Variants in RBBP8NL observed in about 807,000 individuals in gnomAD.
RBBP8NL encodes RBBP8 N-terminal like, also known as RBBP8 N-terminal-like protein.
RBBP8NL carries 59 observed loss-of-function variants against 62.2 expected under a neutral mutation model. The ratio of observed to expected loss-of-function variants is 0.95; its 90% CI spans 0.77 to 1.18. The LOEUF is 1.18. Among genes scored for constraint, RBBP8NL ranks in the 50% most tolerant of loss-of-function variants. RBBP8NL has a pLI of 0.00. For missense variants in RBBP8NL, 896 were observed against 899.5 expected (o/e 1.00, Z 0.05); for synonymous variants, 412 against 394.1 (o/e 1.05, Z -0.54).
At position 62,410,769 on chromosome 20, in the gene RBBP8NL, C is replaced by T; in HGVS notation, c.*109G>A. Reference sequence around the variant, plus strand: ...AGCTGAGGCTGGCTAGGTCTTCTCCCAGGGTTCTGTGCAGGGCTGCCTGCT... The same window carrying T: ...AGCTGAGGCTGGCTAGGTCTTCTCCTAGGGTTCTGTGCAGGGCTGCCTGCT... On this transcript the variant is annotated 3_prime_UTR_variant, in exon 14 of 14. Coordinates refer to ENST00000252998, the MANE Select transcript of RBBP8NL (RefSeq NM_080833.3). The T allele has an allele frequency of 1.3e-6, 1 of 752,592 alleles. No homozygotes were observed. Among genetic ancestry groups the T allele is most frequent in the Middle Eastern group, 3.9e-4 (1 of 2,568 alleles). The allele number at this position is 752,592 out of a possible 1,614,324, so 46.6% of individuals were successfully genotyped here. A position where few individuals can be genotyped will look rare whatever the true frequency, so the allele number is the denominator to read the frequency against.
At chr20:62,423,267 C>T (rs898054164) in intron 1 of RBBP8NL, among the ~76,000 whole-genome samples, 1 of 152,202 alleles carries the variant, frequency 6.6e-6, no homozygotes, top group Non-Finnish European at 1.5e-5. Flanking sequence ...TCAAGCCTCC[C>T]GTCTCAGTCA....
intron 10 of RBBP8NL, 46 bp from the exon 11 acceptor site, chr20:62,413,591 C>T: frequency 6.7e-7 from 1 of 1,498,170 alleles, no homozygotes; most frequent in East Asian, 2.4e-5. Context: ...GGGAGACTTC[C>T]TTGCCGCCAA....
At chr20:62,416,666 C>A in intron 5 of RBBP8NL, 94 bp downstream of exon 5, 1 of 815,688 alleles carries the variant, frequency 1.2e-6, no homozygotes, top group Non-Finnish European at 2.0e-6. Flanking sequence ...GATCGTCCTG[C>A]CTCCTTTCCC....
In RBBP8NL at chr20:62,410,588, G is replaced by T. The variant is rs935286422; in HGVS notation, c.*290C>A. 2.3e-6 allele frequency: 1 copy of T among 438,818 alleles called. No individual in the cohort carries two copies. 27.2% of individuals were successfully genotyped at this position (438,818 alleles called of 1,614,324 possible). On this transcript the variant is annotated 3_prime_UTR_variant, in exon 14 of 14. Coordinates refer to ENST00000252998, the MANE Select transcript of RBBP8NL (RefSeq NM_080833.3). ...CAGGTGGGTGGAGACGGGGTGAATC[G>T]CCAGCCTGAGACCCCTCTCGGTCCT...
chr20:62,415,376 GC>G (rs1988538970), intron 8 of RBBP8NL, 89 bp from the exon 9 acceptor site: 2 of 1,452,806 alleles, frequency 1.4e-6, no homozygotes, highest in Admixed American at 4.2e-5. Context: ...GCCCTGGGCT[GC>G]TCCCACTCTG....
intron 10 of RBBP8NL, 44 bp downstream of exon 10, chr20:62,413,777 G>T (rs1416517738): frequency 6.5e-7 from 1 of 1,537,562 alleles, no homozygotes; most frequent in South Asian, 1.3e-5. Flanking sequence ...GGTGGGGGAC[G>T]TGGAGGCTGA....
Position 62,417,304 on chromosome 20 carries a change from G to A in RBBP8NL, c.120C>T (p.Ile40=), listed in dbSNP as rs372067825. 23 of 1,599,068 alleles carry A rather than the reference G, an allele frequency of 1.4e-5. No individual in the cohort carries two copies. The highest frequency in any genetic ancestry group is 4.5e-5 in the East Asian group (2 of 44,412). ...GGTGGTTCTTGGAGAAGAGCTCCTC[G>A]ATCCTCTGGGCGTCCCTGTGGTGGG... ...NSERCRDAQR[I]EELFSKNHQL... is the part of the protein sequence containing the mutation. Residue 40 remains isoleucine, a synonymous_variant, in exon 4 of 14, where the codon ATC becomes ATT. Coordinates refer to ENST00000252998, the MANE Select transcript of RBBP8NL (RefSeq NM_080833.3).
intron 1 of RBBP8NL, among the ~76,000 whole-genome samples, chr20:62,424,434 A>T (rs547222485): frequency 6.6e-6 from 1 of 152,084 alleles, no homozygotes; most frequent in African/African-American, 2.4e-5. Flanking sequence ...AGCTAGTGAG[A>T]GCCGGGCTGG....
intron 1 of RBBP8NL, among the ~76,000 whole-genome samples, chr20:62,422,425 C>T (rs1218682919): frequency 2.0e-5 from 3 of 150,820 alleles, no homozygotes; most frequent in Admixed American, 6.6e-5. Context: ...AGGCACTTGC[C>T]CTGGGGCCCT....
chr20:62,410,904 T>C lies in RBBP8NL; in HGVS notation c.1969A>G (p.Asn657Asp). Residue 657 changes from asparagine to aspartate, a missense_variant, in exon 14 of 14, where the codon AAC (asparagine) becomes GAC (aspartate). Coordinates refer to ENST00000252998, the MANE Select transcript of RBBP8NL (RefSeq NM_080833.3). ...TAGGTCTCCTCCCAGGGGCTGCTGT[T>C]GGGGGAGGGACTGTGGTCCTCGGCG... is the stretch of plus-strand genomic sequence containing the variant. ...RDAEDHSPSPNSSPWEET is the reference protein window; with the variant it reads ...RDAEDHSPSPDSSPWEET 1 of 1,613,126 alleles carries C rather than the reference T, an allele frequency of 6.2e-7. No homozygotes were observed. Among genetic ancestry groups the C allele is most frequent in the African/African-American group, 1.3e-5 (1 of 75,042 alleles).
intron 3 of RBBP8NL, among the ~76,000 whole-genome samples, chr20:62,417,684 G>T (rs1415013215): frequency 1.3e-5 from 1 of 77,256 alleles, no homozygotes; most frequent in Admixed American, 1.9e-4. Context: ...TCATCTGCAC[G>T]CTCCTCTGTG....
At chr20:62,412,179 C>A (rs1988449047) in intron 13 of RBBP8NL, among the ~76,000 whole-genome samples, 1 of 152,240 alleles carries the variant, frequency 6.6e-6, no homozygotes, top group African/African-American at 2.4e-5. Context: ...CCCCTCGGGG[C>A]TGTGCCTTCT....
rs1005517583 is a variant in RBBP8NL at position 62,410,794 on chromosome 20, T to G, written c.*84A>C. On this transcript the variant is annotated 3_prime_UTR_variant, in exon 14 of 14. Coordinates refer to ENST00000252998, the MANE Select transcript of RBBP8NL (RefSeq NM_080833.3). ...CAGGGTTCTGTGCAGGGCTGCCTGC[T>G]GGTTGGATGGTGTGCCCTCTCCAGG... The G allele has an allele frequency of 1.1e-6, 1 of 893,448 alleles. No individual in the cohort carries two copies. Among genetic ancestry groups the G allele is most frequent in the Non-Finnish European group, 1.8e-6 (1 of 557,180 alleles). The allele number at this position is 893,448 out of a possible 1,614,324, so 55.3% of individuals were successfully genotyped here.
chr20:62,412,152 G>C (rs1988448403), intron 13 of RBBP8NL, among the ~76,000 whole-genome samples: 1 of 152,240 alleles, frequency 6.6e-6, no homozygotes, highest in African/African-American at 2.4e-5. Flanking sequence ...CCCCAGGGGA[G>C]CAAACGTGCC....
In RBBP8NL at chr20:62,417,220, C is replaced by T. The variant is rs541800090; in HGVS notation, c.200+4G>A. ...CATGCTGCGAGGTGTCCTCCCAGGC[C>T]CACCTGTTCTCCAGCACCCGCAGGT... On this transcript the variant is annotated splice_donor_region_variant and intron_variant, in intron 4 of 13. Transcript: ENST00000252998. The T allele has an allele frequency of 9.4e-6, 15 of 1,594,544 alleles. No homozygotes were observed. The South Asian group carries it at 1.6e-4, about 17-fold the overall frequency.
At chr20:62,426,211 G>A (rs1424171366) in intron 1 of RBBP8NL, among the ~76,000 whole-genome samples, 1 of 152,206 alleles carries the variant, frequency 6.6e-6, no homozygotes. Context: ...GGCATTAGCA[G>A]TGGCAGTGGC....
At chr20:62,427,258 G>C (rs1988831127) in intron 1 of RBBP8NL, among the ~76,000 whole-genome samples, 1 of 152,188 alleles carries the variant, frequency 6.6e-6, no homozygotes, top group Non-Finnish European at 1.5e-5. Flanking sequence ...AACGCCCACT[G>C]AGCTCTCTCC....
chr20:62,425,899 T>C (rs12480953), intron 1 of RBBP8NL, among the ~76,000 whole-genome samples: 19,818 of 149,646 alleles, frequency 0.13, 1,381 homozygotes, highest in South Asian at 0.16. Context: ...GGCAGTGGCA[T>C]AGCAGTGGCA....
chr20:62,412,317 C>T (rs1001172203), intron 13 of RBBP8NL, among the ~76,000 whole-genome samples: 2 of 152,168 alleles, frequency 1.3e-5, no homozygotes, highest in Non-Finnish European at 2.9e-5. Context: ...TCCCCTGGCT[C>T]CTTCTCTCAC....
Sources: gnomAD v4.1 joint callset for allele counts (sites outside exome capture counted in the v4.1 genomes callset) on GRCh38, gnomAD v4.1.1 for gene constraint, MANE v1.5 for transcripts, NCBI Gene and HGNC (gene_info 2026-07-23, HGNC 2026-07-21) for gene names.